Variants in KCND2 observed in about 807,000 individuals in gnomAD.
KCND2 encodes the protein A-type voltage-gated potassium channel KCND2.
In KCND2, 16 loss-of-function variants were observed where a neutral mutation model predicts 54.4. That is an observed-to-expected ratio of 0.29 (90% confidence interval 0.20 to 0.45). The LOEUF (loss-of-function observed/expected upper bound fraction) is 0.45, where lower values mean the gene tolerates loss of function less well. Ranked by LOEUF, KCND2 falls within the 20% of genes least tolerant of loss-of-function variation. The pLI is 1.00. For missense variants in KCND2, 486 were observed against 824.2 expected, an observed-to-expected ratio of 0.59 and a Z score of 5.02; for synonymous variants, 317 against 310.7, an observed-to-expected ratio of 1.02 and a Z score of -0.21.
intron 1 of KCND2, among the ~76,000 whole-genome samples, chr7:120,570,908 G>A (rs1188005280): frequency 6.6e-6 from 1 of 152,056 alleles, no homozygotes; most frequent in East Asian, 1.9e-4. Flanking sequence ...TCTTAAATAT[G>A]TCTTGTGTTA....
At chr7:120,566,684 G>C (rs1584831262) in intron 1 of KCND2, among the ~76,000 whole-genome samples, 1 of 151,948 alleles carries the variant, frequency 6.6e-6, no homozygotes, top group Non-Finnish European at 1.5e-5. Flanking sequence ...TTTTGTAAGG[G>C]TCGCTAAGGC....
intron 4 of KCND2, among the ~76,000 whole-genome samples, chr7:120,744,919 G>A (rs772236154): frequency 6.6e-6 from 1 of 152,028 alleles, no homozygotes; most frequent in Non-Finnish European, 1.5e-5. Context: ...TCTTCCATAG[G>A]CATTTCAGGA....
At chr7:120,376,737 T>G (rs7800215) in intron 1 of KCND2, among the ~76,000 whole-genome samples, 9,165 of 151,808 alleles carry the variant, frequency 0.06, 852 homozygotes, top group African/African-American at 0.21. Flanking sequence ...ATGAAAAACT[T>G]TAAGCTCAAT....
chr7:120,339,080 G>C (rs1020807625), intron 1 of KCND2, among the ~76,000 whole-genome samples: 1 of 147,084 alleles, frequency 6.8e-6, no homozygotes, highest in African/African-American at 2.5e-5. Context: ...ATTTTTAGTA[G>C]AGACAGGGCT....
In KCND2 at chr7:120,749,853, G is replaced by A. The variant is rs561689743; in HGVS notation, c.*1995G>A. 3.3e-5 allele frequency: 5 copies of A among 151,784 alleles called. No homozygotes were observed. The highest frequency in any genetic ancestry group is 7.4e-5 in the Non-Finnish European group (5 of 67,822). The allele number at this position is 151,784 out of a possible 1,614,324, so 9.4% of individuals were successfully genotyped here. Reference sequence around the variant, plus strand: ...CAATGTCTAGTGAAACTTATCTGATGGCATTTATTGAAAACCTTCTAAAAA... The same window carrying A: ...CAATGTCTAGTGAAACTTATCTGATAGCATTTATTGAAAACCTTCTAAAAA... On this transcript the variant is annotated 3_prime_UTR_variant, in exon 6 of 6. Coordinates refer to ENST00000331113, the MANE Select transcript of KCND2 (RefSeq NM_012281.3).
At chr7:120,712,175 C>A (rs10266111) in intron 1 of KCND2, among the ~76,000 whole-genome samples, 1 of 107,578 alleles carries the variant, frequency 9.3e-6, no homozygotes, top group East Asian at 2.8e-4. Context: ...TTACATGTAT[C>A]TGAAGAGTCT....
chr7:120,428,977 C>T (rs1340945740), intron 1 of KCND2, among the ~76,000 whole-genome samples: 2 of 152,078 alleles, frequency 1.3e-5, no homozygotes, highest in Non-Finnish European at 2.9e-5. Flanking sequence ...TGAGATGTTG[C>T]CGGGTCCTAA....
chr7:120,339,050 A>ATTTTTTTTTTTTT (rs778288080), intron 1 of KCND2, among the ~76,000 whole-genome samples: 1 of 138,906 alleles, frequency 7.2e-6, no homozygotes, highest in African/African-American at 3.1e-5. Context: ...CTGGCTAATT[A>ATTTTTTTTTTTTT]TTATTTTTTT....
chr7:120,278,938 G>A (rs574145552), intron 1 of KCND2, among the ~76,000 whole-genome samples: 5 of 151,614 alleles, frequency 3.3e-5, no homozygotes, highest in East Asian at 3.9e-4. Context: ...CTTTCTGAGC[G>A]CATTTCACAG....
chr7:120,383,667 C>T (rs1192485714), intron 1 of KCND2, among the ~76,000 whole-genome samples: 1 of 152,032 alleles, frequency 6.6e-6, no homozygotes, highest in African/African-American at 2.4e-5. Flanking sequence ...ATACATGTAA[C>T]ATGTAAATAT....
rs1180753376 is a variant in KCND2, at chr7:120,578,586, G to T, written c.1116-154317G>T. Among the ~76,000 whole-genome samples, 4 of 152,236 alleles carry T rather than the reference G, an allele frequency of 2.6e-5. No individual in the cohort carries two copies. The East Asian group carries it at 7.7e-4, about 29-fold the overall frequency. On this transcript the variant is annotated intron_variant, in intron 1 of 5. Transcript: ENST00000331113. ...TTGTCTACTAAAAATACAAAAATTAGCCAGGCGCAGTGGTTCACACCTGTA... is the reference window on the plus strand; with the variant it reads ...TTGTCTACTAAAAATACAAAAATTATCCAGGCGCAGTGGTTCACACCTGTA...
At position 120,446,733 on chromosome 7, in the gene KCND2, T is replaced by C. The variant is rs147901240; in HGVS notation, c.1115+170986T>C. On this transcript the variant is annotated intron_variant, in intron 1 of 5. Coordinates refer to ENST00000331113, the MANE Select transcript of KCND2 (RefSeq NM_012281.3). The stretch of plus-strand genomic sequence containing the variant: ...CTGGAGATTAATTCAGGTTACCCTG[T>C]ACTCAAGTTTCTCTTGTTATAGGGG... Among the ~76,000 whole-genome samples the C allele has an allele frequency of 1.4e-4, 21 of 152,330 alleles. No homozygotes were observed. In the East Asian group the frequency reaches 3.9e-3, roughly 28 times the overall value.
intron 1 of KCND2, among the ~76,000 whole-genome samples, chr7:120,395,919 C>T (rs1462086940): frequency 6.6e-6 from 1 of 151,988 alleles, no homozygotes; most frequent in East Asian, 1.9e-4. Flanking sequence ...AAAAAGACTC[C>T]TATGGGCCTC....
intron 3 of KCND2, chr7:120,742,179 G>C: frequency 3.2e-6 from 1 of 308,766 alleles, no homozygotes; most frequent in South Asian, 3.3e-5. Context: ...ACATGATCGT[G>C]GTTTCAAAAT....
chr7:120,466,032 G>A (rs1002637839), intron 1 of KCND2, among the ~76,000 whole-genome samples: 1 of 152,144 alleles, frequency 6.6e-6, no homozygotes, highest in Non-Finnish European at 1.5e-5. Flanking sequence ...TATTTGCTGT[G>A]TGGGGCTGTC....
chr7:120,633,042 A>G (rs574220351), intron 1 of KCND2, among the ~76,000 whole-genome samples: 1 of 152,354 alleles, frequency 6.6e-6, no homozygotes, highest in African/African-American at 2.4e-5. Flanking sequence ...TACAGGCTTG[A>G]TCAACCATTG....
intron 1 of KCND2, among the ~76,000 whole-genome samples, chr7:120,422,781 A>G (rs1362535164): frequency 6.6e-6 from 1 of 152,198 alleles, no homozygotes; most frequent in Non-Finnish European, 1.5e-5. Flanking sequence ...ACTGGCCCTC[A>G]ACACAGCTAT....
chr7:120,458,349 C>G (rs1293726665), intron 1 of KCND2, among the ~76,000 whole-genome samples: 2 of 152,156 alleles, frequency 1.3e-5, no homozygotes, highest in Non-Finnish European at 2.9e-5. Flanking sequence ...AACATTTTTA[C>G]CTTTACAAAG....
intron 1 of KCND2, among the ~76,000 whole-genome samples, chr7:120,277,202 A>T (rs546808590): frequency 5.9e-4 from 90 of 152,218 alleles, no homozygotes; most frequent in African/African-American, 1.9e-3. Flanking sequence ...TTTTTTAAAG[A>T]CCTACTGGTA....
Sources: allele counts gnomAD v4.1 joint callset (sites outside exome capture counted in the v4.1 genomes callset), GRCh38; gene constraint gnomAD v4.1.1; transcripts MANE v1.5; gene names NCBI Gene and HGNC (gene_info 2026-07-23, HGNC 2026-07-21).